The following LRRIQ3 variants were observed in gnomAD, a reference collection of about 807,000 sequenced individuals.
LRRIQ3 encodes the protein leucine rich repeats and IQ motif containing 3.
A neutral mutation model predicts 59.3 loss-of-function variants in LRRIQ3; 75 were observed. The observed-to-expected ratio is 1.26, with a 90% CI of 1.05 to 1.53. LRRIQ3 has a LOEUF of 1.53. Ranked by LOEUF, LRRIQ3 falls within the 40% of genes most tolerant of loss-of-function variation. LRRIQ3 has a pLI of 0.00. For missense variants in LRRIQ3, 831 were observed against 710.0 expected (o/e 1.17, Z -1.94); for synonymous variants, 250 against 231.3 (o/e 1.08, Z -0.73).
rs546643130 is a variant in LRRIQ3, at chr1:74,188,981, A to G, written c.1-5297T>C. 2.0e-5 allele frequency among the ~76,000 whole-genome samples: 3 copies of G among 152,280 alleles called. No individual in the cohort carries two copies. The South Asian group carries it at 6.2e-4, about 32-fold the overall frequency. ...ATCACTCCAAAATTTATTGGCTTAA[A>G]ATAACCATCATTTTGTTACTCTGAA... On this transcript the variant is annotated intron_variant, in intron 1 of 7. Coordinates refer to ENST00000354431, the MANE Select transcript of LRRIQ3 (RefSeq NM_001105659.2).
At chr1:74,044,115 T>C (rs1426003035) in intron 6 of LRRIQ3, among the ~76,000 whole-genome samples, 1 of 152,142 alleles carries the variant, frequency 6.6e-6, no homozygotes, top group Non-Finnish European at 1.5e-5. Flanking sequence ...TTTTTAGCTA[T>C]AGGATCGAAC....
chr1:74,029,872 C>G (rs1653644003), intron 7 of LRRIQ3, among the ~76,000 whole-genome samples: 1 of 152,018 alleles, frequency 6.6e-6, no homozygotes, highest in African/African-American at 2.4e-5. Flanking sequence ...GCCTCAATTT[C>G]AGAGCCTGTT....
chr1:74,185,000 T>C (rs767943157), intron 1 of LRRIQ3, among the ~76,000 whole-genome samples: 9 of 152,218 alleles, frequency 5.9e-5, no homozygotes, highest in Non-Finnish European at 1.0e-4. Context: ...TTTAAAGTAC[T>C]GAATAACATT....
intron 5 of LRRIQ3, among the ~76,000 whole-genome samples, chr1:74,094,113 T>C (rs1347652875): frequency 6.6e-6 from 1 of 151,690 alleles, no homozygotes; most frequent in Admixed American, 6.6e-5. Context: ...TATGTGCACA[T>C]GGGGTTGGGG....
intron 6 of LRRIQ3, among the ~76,000 whole-genome samples, chr1:74,052,960 G>A (rs924539390): frequency 4.6e-5 from 7 of 151,990 alleles, no homozygotes; most frequent in African/African-American, 1.2e-4. Context: ...ATATGCCAAA[G>A]AATGTATCTT....
chr1:74,079,068 C>A (rs1333781001), intron 5 of LRRIQ3, among the ~76,000 whole-genome samples: 1 of 151,738 alleles, frequency 6.6e-6, no homozygotes, highest in Non-Finnish European at 1.5e-5. Flanking sequence ...TATTTCTGGT[C>A]AATCACAAAT....
At chr1:74,109,929 G>A (rs1646671031) in intron 4 of LRRIQ3, among the ~76,000 whole-genome samples, 1 of 151,368 alleles carries the variant, frequency 6.6e-6, no homozygotes, top group Non-Finnish European at 1.5e-5. Context: ...TTTAAATGAG[G>A]TAACAGTTAT....
chr1:74,029,399 T>A (rs1050590554), intron 7 of LRRIQ3, among the ~76,000 whole-genome samples: 1 of 152,000 alleles, frequency 6.6e-6, no homozygotes, highest in Non-Finnish European at 1.5e-5. Flanking sequence ...TGAGAGTTTT[T>A]AGCATGAACA....
At chr1:74,032,467 T>G (rs908052431) in intron 7 of LRRIQ3, among the ~76,000 whole-genome samples, 3 of 152,168 alleles carry the variant, frequency 2.0e-5, no homozygotes, top group Admixed American at 6.6e-5. Context: ...ATTTAGGTCT[T>G]GGGTCCTCAT....
intron 4 of LRRIQ3, among the ~76,000 whole-genome samples, chr1:74,154,099 G>A (rs537914514): frequency 1.3e-5 from 2 of 151,762 alleles, no homozygotes; most frequent in African/African-American, 4.8e-5. Context: ...AAATTAGCCG[G>A]GCGTGGCGGC....
chr1:74,118,564 A>G (rs1374360843), intron 4 of LRRIQ3, among the ~76,000 whole-genome samples: 2 of 151,806 alleles, frequency 1.3e-5, no homozygotes, highest in African/African-American at 4.8e-5. Context: ...CTTCTCCCCA[A>G]CCCCACTACC....
At chr1:74,094,700 G>C (rs1199773955) in intron 5 of LRRIQ3, among the ~76,000 whole-genome samples, 1 of 152,078 alleles carries the variant, frequency 6.6e-6, no homozygotes, top group Non-Finnish European at 1.5e-5. Context: ...AATTAATCCA[G>C]ACAGCTAAAA....
intron 5 of LRRIQ3, among the ~76,000 whole-genome samples, chr1:74,100,274 G>A (rs539669232): frequency 1.3e-5 from 2 of 152,038 alleles, no homozygotes; most frequent in East Asian, 3.9e-4. Context: ...CAGACAAACA[G>A]AAAGCCAAAT....
intron 3 of LRRIQ3, among the ~76,000 whole-genome samples, chr1:74,156,552 T>A (rs1370391577): frequency 6.6e-6 from 1 of 152,174 alleles, no homozygotes; most frequent in East Asian, 1.9e-4. Context: ...ATAATATATG[T>A]ATAAAATTTT....
chr1:74,080,919 A>T (rs1308829270), intron 5 of LRRIQ3, among the ~76,000 whole-genome samples: 2 of 151,566 alleles, frequency 1.3e-5, no homozygotes, highest in African/African-American at 2.4e-5. Flanking sequence ...CTCTGCTTTC[A>T]ATAATAAGTA....
intron 3 of LRRIQ3, chr1:74,180,178 A>G (rs1649892785): frequency 6.6e-6 from 1 of 151,912 alleles, no homozygotes; most frequent in African/African-American, 2.4e-5. Flanking sequence ...TACCATAAAA[A>G]ATTCTTCCAA....
chr1:74,162,609 A>T (rs568644464), intron 3 of LRRIQ3, among the ~76,000 whole-genome samples: 1 of 151,934 alleles, frequency 6.6e-6, no homozygotes, highest in African/African-American at 2.4e-5. Flanking sequence ...TAATTCTAAA[A>T]CTATATGCTA....
chr1:74,151,013 T>C (rs1417131284), intron 4 of LRRIQ3, among the ~76,000 whole-genome samples: 2 of 7,770 alleles, frequency 2.6e-4, no homozygotes, highest in African/African-American at 3.7e-4. Flanking sequence ...GATGCTTTCT[T>C]TTTTTTTTTT....
At chr1:74,175,764 T>G (rs148414494) in intron 3 of LRRIQ3, among the ~76,000 whole-genome samples, 265 of 152,230 alleles carry the variant, frequency 1.7e-3, no homozygotes, top group African/African-American at 6.0e-3. Context: ...CACACTCCTC[T>G]CTATATATTG....
Sources: allele counts gnomAD v4.1 joint callset (sites outside exome capture counted in the v4.1 genomes callset), GRCh38; gene constraint gnomAD v4.1.1; transcripts MANE v1.5; gene names NCBI Gene and HGNC (gene_info 2026-07-23, HGNC 2026-07-21).